CLEC16A: variants seen among roughly 807,000 people sequenced by gnomAD.
The protein encoded by CLEC16A is C-type lectin domain containing 16A, also known as protein CLEC16A.
A neutral mutation model predicts 109.5 loss-of-function variants in CLEC16A; 51 were observed. The ratio of observed to expected loss-of-function variants is 0.47; its 90% CI spans 0.37 to 0.59. The LOEUF (loss-of-function observed/expected upper bound fraction) is 0.59, where lower values mean the gene tolerates loss of function less well. Among genes scored for constraint, CLEC16A ranks in the 20% least tolerant of loss-of-function variants. The pLI is 0.00. For missense variants in CLEC16A, 1,339 were observed against 1,394.0 expected, an observed-to-expected ratio of 0.96 and a Z score of 0.63; for synonymous variants, 673 against 564.2, an observed-to-expected ratio of 1.19 and a Z score of -2.73.
intron 19 of CLEC16A, among the ~76,000 whole-genome samples, chr16:11,092,403 T>C (rs967843689): frequency 9.5e-4 from 69 of 72,772 alleles, no homozygotes; most frequent in South Asian, 2.4e-3. Context: ...CACACACACA[T>C]GCCAGGTGTG....
intron 22 of CLEC16A, among the ~76,000 whole-genome samples, chr16:11,129,222 T>G (rs943043219): frequency 6.6e-6 from 1 of 152,242 alleles, no homozygotes; most frequent in Non-Finnish European, 1.5e-5. Context: ...TAGATTATAT[T>G]TATAGATATT....
chr16:10,964,849 A>C lies in CLEC16A; in HGVS notation c.343+2261A>C, dbSNP rs377026085. 1.6e-3 allele frequency among the ~76,000 whole-genome samples: 245 copies of C among 152,278 alleles called. 3 individuals are homozygous for C. The highest frequency in any genetic ancestry group is 5.6e-3 in the African/African-American group (232 of 41,558). ...GGCAATCAAGTGAATTAACATATCC[A>C]TCACCTCACTTTTGTGCGTGTGTGT... On this transcript the variant is annotated intron_variant, in intron 3 of 23. Transcript: ENST00000409790.
At chr16:11,129,946 T>C (rs1342525965) in intron 22 of CLEC16A, among the ~76,000 whole-genome samples, 1 of 152,050 alleles carries the variant, frequency 6.6e-6, no homozygotes, top group East Asian at 1.9e-4. Context: ...GTATTTTTAG[T>C]AGAGATGGGG....
intron 22 of CLEC16A, among the ~76,000 whole-genome samples, chr16:11,140,183 G>A (rs1172280169): frequency 6.6e-6 from 1 of 152,158 alleles, no homozygotes; most frequent in African/African-American, 2.4e-5. Context: ...CCCCTTTGTT[G>A]TGGCTTTCTG....
chr16:11,057,104 T>A (rs1433600066), intron 18 of CLEC16A: 1 of 155,782 alleles, frequency 6.4e-6, no homozygotes, highest in Admixed American at 6.5e-5. Flanking sequence ...GCGGAATTTC[T>A]GGTTCAAAGG....
At chr16:11,023,793 G>A (rs1041021516) in intron 12 of CLEC16A, among the ~76,000 whole-genome samples, 2 of 152,176 alleles carry the variant, frequency 1.3e-5, no homozygotes, top group African/African-American at 4.8e-5. Flanking sequence ...GAAATTAAAT[G>A]TGCCCTTGGT....
intron 19 of CLEC16A, among the ~76,000 whole-genome samples, chr16:11,089,832 G>A (rs1026579028): frequency 3.9e-5 from 6 of 152,206 alleles, no homozygotes; most frequent in East Asian, 1.9e-4. Flanking sequence ...CCCAGCCACC[G>A]CCAGGCACCG....
intron 11 of CLEC16A, among the ~76,000 whole-genome samples, chr16:11,011,727 T>G (rs929179291): frequency 6.6e-6 from 1 of 152,222 alleles, no homozygotes; most frequent in African/African-American, 2.4e-5. Flanking sequence ...AAAGTGTACA[T>G]TTATATGTGC....
intron 13 of CLEC16A, chr16:11,027,145 A>C: frequency 1.4e-6 from 2 of 1,450,812 alleles, no homozygotes; most frequent in East Asian, 2.3e-5. Flanking sequence ...AAGAAGGAGC[A>C]GAAGAAAGGA....
chr16:11,069,289 G>A (rs1222089775), intron 19 of CLEC16A, among the ~76,000 whole-genome samples: 2 of 151,598 alleles, frequency 1.3e-5, no homozygotes, highest in Non-Finnish European at 2.9e-5. Context: ...CACCACACCC[G>A]GCTGAGATTT....
chr16:10,973,734 T>C (rs1188046252), intron 7 of CLEC16A, among the ~76,000 whole-genome samples: 3 of 151,416 alleles, frequency 2.0e-5, no homozygotes, highest in African/African-American at 7.3e-5. Context: ...CATGCCCAGC[T>C]AATTTTTTTG....
chr16:11,158,199 T>C (rs1215540019), intron 22 of CLEC16A, among the ~76,000 whole-genome samples: 2 of 152,068 alleles, frequency 1.3e-5, no homozygotes, highest in African/African-American at 4.8e-5. Flanking sequence ...TTTTACTGTT[T>C]CCCAGCATCG....
chr16:11,001,438 A>G (rs2044663934), intron 10 of CLEC16A, among the ~76,000 whole-genome samples: 2 of 152,206 alleles, frequency 1.3e-5, no homozygotes, highest in African/African-American at 4.8e-5. Flanking sequence ...CTGGTGAAAC[A>G]CTGTTCTTTT....
At chr16:11,012,816 T>G (rs1328456098) in intron 11 of CLEC16A, among the ~76,000 whole-genome samples, 1 of 152,230 alleles carries the variant, frequency 6.6e-6, no homozygotes, top group Non-Finnish European at 1.5e-5. Flanking sequence ...AATGCTTTCA[T>G]ACCACATCAT....
chr16:11,076,961 T>C (rs1248028498), intron 19 of CLEC16A, among the ~76,000 whole-genome samples: 2 of 152,176 alleles, frequency 1.3e-5, no homozygotes, highest in African/African-American at 4.8e-5. Context: ...CGCTGAAAAG[T>C]ATTGTGACCT....
intron 13 of CLEC16A, among the ~76,000 whole-genome samples, chr16:11,037,944 CAG>C (rs749180278): frequency 4.5e-4 from 69 of 152,278 alleles, no homozygotes; most frequent in Admixed American, 8.5e-4. Flanking sequence ...CAGAATCCTT[CAG>C]AGTTACACAT....
intron 22 of CLEC16A, among the ~76,000 whole-genome samples, chr16:11,138,364 G>T (rs1039983116): frequency 6.6e-6 from 1 of 152,230 alleles, no homozygotes; most frequent in East Asian, 1.9e-4. Flanking sequence ...AGCAGGGCCC[G>T]ATAGCAAAGC....
chr16:11,089,557 A>T (rs922613132), intron 19 of CLEC16A, among the ~76,000 whole-genome samples: 4 of 152,216 alleles, frequency 2.6e-5, no homozygotes, highest in Non-Finnish European at 5.9e-5. Flanking sequence ...CCAACAGCGC[A>T]GGGAAATGCC....
chr16:11,172,593 TA>T (rs767198372), intron 23 of CLEC16A, among the ~76,000 whole-genome samples: 23 of 152,182 alleles, frequency 1.5e-4, no homozygotes, highest in Non-Finnish European at 2.6e-4. Flanking sequence ...CATTCATTTT[TA>T]AAAAACAAAA....
Sources: allele counts gnomAD v4.1 joint callset (sites outside exome capture counted in the v4.1 genomes callset), GRCh38; gene constraint gnomAD v4.1.1; transcripts MANE v1.5; gene names NCBI Gene and HGNC (gene_info 2026-07-23, HGNC 2026-07-21).